The following RUNX2 variants were observed in gnomAD, a reference collection of about 807,000 sequenced individuals.
RUNX2 encodes the protein RUNX family transcription factor 2.
Under a neutral mutation model 51.7 loss-of-function variants are expected in RUNX2, and 10 were observed. That is an observed-to-expected ratio of 0.19 (90% confidence interval 0.12 to 0.33). RUNX2 has a LOEUF of 0.33. Ranked by LOEUF, RUNX2 falls within the 10% of genes least tolerant of loss-of-function variation. RUNX2 has a pLI of 1.00. For missense variants in RUNX2, 562 were observed against 691.3 expected (o/e 0.81, Z 2.10); for synonymous variants, 276 against 273.6 (o/e 1.01, Z -0.09).
intron 2 of RUNX2, among the ~76,000 whole-genome samples, chr6:45,360,965 T>C (rs1581898942): frequency 6.6e-6 from 1 of 152,268 alleles, no homozygotes; most frequent in South Asian, 2.1e-4. Flanking sequence ...TCCTGCCATA[T>C]AATAAGGACT....
chr6:45,524,710 A>G (rs1483129608), intron 7 of RUNX2, among the ~76,000 whole-genome samples: 1 of 152,226 alleles, frequency 6.6e-6, no homozygotes, highest in African/African-American at 2.4e-5. Context: ...GGTTTGGAAA[A>G]GAGGAAAAAG....
intron 7 of RUNX2, among the ~76,000 whole-genome samples, chr6:45,544,190 A>C (rs1802319394): frequency 6.6e-6 from 1 of 152,150 alleles, no homozygotes; most frequent in Non-Finnish European, 1.5e-5. Flanking sequence ...TGATTGGTTA[A>C]AATACTGTAA....
chr6:45,478,326 A>G (rs139004890), intron 5 of RUNX2, among the ~76,000 whole-genome samples: 2 of 152,366 alleles, frequency 1.3e-5, no homozygotes, highest in East Asian at 1.9e-4. Flanking sequence ...TTACATTTGC[A>G]TAGTGGTTTT....
intron 7 of RUNX2, among the ~76,000 whole-genome samples, chr6:45,518,532 C>A (rs1210121187): frequency 6.6e-6 from 1 of 152,028 alleles, no homozygotes; most frequent in Non-Finnish European, 1.5e-5. Flanking sequence ...AATAGTTGGT[C>A]CAGCTCACAA....
intron 2 of RUNX2, among the ~76,000 whole-genome samples, chr6:45,389,892 G>C (rs1433648484): frequency 1.3e-5 from 2 of 151,954 alleles, no homozygotes; most frequent in Non-Finnish European, 1.5e-5. Context: ...TGTAATCCCA[G>C]CTGCTTGGGA....
At chr6:45,381,962 C>A (rs1797248923) in intron 2 of RUNX2, among the ~76,000 whole-genome samples, 1 of 152,266 alleles carries the variant, frequency 6.6e-6, no homozygotes, top group Admixed American at 6.5e-5. Flanking sequence ...CTCTTAGGGA[C>A]CTATCATTGT....
intron 2 of RUNX2, among the ~76,000 whole-genome samples, chr6:45,362,629 C>T (rs991271003): frequency 4.6e-5 from 7 of 151,272 alleles, no homozygotes; most frequent in African/African-American, 1.7e-4. Flanking sequence ...TTCCTAAGGG[C>T]AAAAAAAATA....
At chr6:45,412,809 A>G (rs1021881350) in intron 2 of RUNX2, among the ~76,000 whole-genome samples, 1 of 152,124 alleles carries the variant, frequency 6.6e-6, no homozygotes, top group African/African-American at 2.4e-5. Flanking sequence ...CAGTGGCACA[A>G]TCTCGGCTTA....
intron 3 of RUNX2, among the ~76,000 whole-genome samples, chr6:45,425,830 A>G (rs765837747): frequency 5.3e-5 from 8 of 152,214 alleles, no homozygotes; most frequent in Non-Finnish European, 8.8e-5. Flanking sequence ...GAGCTATGTA[A>G]AAAATAGATT....
intron 3 of RUNX2, among the ~76,000 whole-genome samples, chr6:45,424,271 G>A (rs888665130): frequency 6.6e-6 from 1 of 152,232 alleles, no homozygotes; most frequent in African/African-American, 2.4e-5. Flanking sequence ...GATTTCCCGG[G>A]GTAGCCCTCT....
intron 7 of RUNX2, among the ~76,000 whole-genome samples, chr6:45,539,177 T>C (rs1156736846): frequency 6.6e-6 from 1 of 150,582 alleles, no homozygotes; most frequent in Non-Finnish European, 1.5e-5. Context: ...TTGGGTGGGT[T>C]TAAGGAATGG....
intron 7 of RUNX2, among the ~76,000 whole-genome samples, chr6:45,524,837 G>A (rs1214784624): frequency 6.6e-6 from 1 of 152,214 alleles, no homozygotes; most frequent in Non-Finnish European, 1.5e-5. Flanking sequence ...TAGAGGCTGG[G>A]CGCGGTGGCT....
At chr6:45,383,958 A>T (rs892640878) in intron 2 of RUNX2, among the ~76,000 whole-genome samples, 2 of 152,230 alleles carry the variant, frequency 1.3e-5, no homozygotes, top group African/African-American at 4.8e-5. Flanking sequence ...TCACCAGGTT[A>T]CTTTGTTTTT....
intron 2 of RUNX2, among the ~76,000 whole-genome samples, chr6:45,346,568 T>A: frequency 4.1e-5 from 1 of 24,204 alleles, no homozygotes; most frequent in Admixed American, 4.8e-4. Flanking sequence ...TAAACATTTC[T>A]TTTTTTTTTT....
intron 5 of RUNX2, among the ~76,000 whole-genome samples, chr6:45,468,632 G>GA (rs557268061): frequency 3.9e-4 from 60 of 152,134 alleles, no homozygotes; most frequent in South Asian, 1.9e-3. Context: ...AAACTTTAGG[G>GA]AAAAAAATCC....
intron 7 of RUNX2, among the ~76,000 whole-genome samples, chr6:45,543,622 CTT>C (rs1035296946): frequency 1.3e-5 from 2 of 152,110 alleles, no homozygotes; most frequent in African/African-American, 4.8e-5. Context: ...ATAAGTCAAA[CTT>C]ATATTTTGCT....
intron 6 of RUNX2, 72 bp downstream of exon 6, chr6:45,492,186 G>A (rs1415983938): frequency 2.0e-6 from 3 of 1,467,636 alleles, no homozygotes; most frequent in South Asian, 2.3e-5. Flanking sequence ...CAGAGGAGAT[G>A]TGTTCACTTC....
At chr6:45,435,159 G>C (rs1297734154) in intron 4 of RUNX2, among the ~76,000 whole-genome samples, 1 of 151,994 alleles carries the variant, frequency 6.6e-6, no homozygotes, top group Non-Finnish European at 1.5e-5. Context: ...GTTTTTTATA[G>C]AGAACTCATT....
chr6:45,504,407 T>C (rs527256213), intron 6 of RUNX2, among the ~76,000 whole-genome samples: 16 of 152,252 alleles, frequency 1.1e-4, no homozygotes, highest in African/African-American at 3.9e-4. Context: ...ACAGTGAGAC[T>C]CAGAGGCCAT....
Sources: allele counts gnomAD v4.1 joint callset (sites outside exome capture counted in the v4.1 genomes callset), GRCh38; gene constraint gnomAD v4.1.1; transcripts MANE v1.5; gene names NCBI Gene and HGNC (gene_info 2026-07-23, HGNC 2026-07-21).